The following SRSF4 variants were observed in gnomAD, a reference collection of about 807,000 sequenced individuals.
The protein encoded by SRSF4 is serine and arginine rich splicing factor 4.
A neutral mutation model predicts 48.8 loss-of-function variants in SRSF4; 12 were observed. The ratio of observed to expected loss-of-function variants is 0.25; its 90% CI spans 0.16 to 0.40. The LOEUF (loss-of-function observed/expected upper bound fraction) is 0.40, where lower values mean the gene tolerates loss of function less well. SRSF4 is among the 10% of genes least tolerant of loss of function. The probability of loss-of-function intolerance (pLI) is 1.00; values close to 1 mark genes in which losing one functional copy is unlikely to be tolerated. For synonymous variants in SRSF4, 248 were observed against 232.5 expected (o/e 1.07, Z -0.61); for missense variants, 466 against 667.1 (o/e 0.70, Z 3.32).
intron 4 of SRSF4, among the ~76,000 whole-genome samples, chr1:29,153,484 C>T (rs932315514): frequency 6.6e-6 from 1 of 152,014 alleles, no homozygotes; most frequent in Non-Finnish European, 1.5e-5. Flanking sequence ...AATGCTTAGC[C>T]CAGTGCCTGG....
intron 4 of SRSF4, among the ~76,000 whole-genome samples, chr1:29,152,200 T>C (rs1479167964): frequency 3.3e-5 from 5 of 152,218 alleles, no homozygotes. Flanking sequence ...AGCTATGTTA[T>C]CATGGTTTCT....
In SRSF4 at chr1:29,181,822, ACGGCGGCAG is replaced by A. The variant is rs1473543213; in HGVS notation, c.-79_-71del. The A allele has an allele frequency of 2.3e-6, 3 of 1,328,758 alleles. No homozygotes were observed. Among genetic ancestry groups the A allele is most frequent in the East Asian group, 2.9e-5 (1 of 34,452 alleles). The allele number at this position is 1,328,758 out of a possible 1,614,324, so 82.3% of individuals were successfully genotyped here. A position where few individuals can be genotyped will look rare whatever the true frequency, so the allele number is the denominator to read the frequency against. ...AGGCGGCGGCGGGCAAAGCGAGAGC[ACGGCGGCAG>A]CGGCGGCGGCGGCAACGGGCGGGCG... On this transcript the variant is annotated 5_prime_UTR_variant, in exon 1 of 6. Transcript: ENST00000373795.
At chr1:29,173,270 TG>T (rs1006990402) in intron 1 of SRSF4, 1 of 149,882 alleles carries the variant, frequency 6.7e-6, no homozygotes, top group African/African-American at 2.5e-5. Context: ...CCCAAGTAGC[TG>T]GGACTACAGG....
At chr1:29,178,565 CCAGGATGGT>C (rs1379145302) in intron 1 of SRSF4, among the ~76,000 whole-genome samples, 3 of 151,834 alleles carry the variant, frequency 2.0e-5, no homozygotes, top group Admixed American at 2.0e-4. Flanking sequence ...ACCATCTTAA[CCAGGATGGT>C]CTCGATCTCC....
chr1:29,148,694 G>A lies in SRSF4; in HGVS notation c.1201C>T (p.Arg401Cys), dbSNP rs760935315. Residue 401 changes from arginine to cysteine, a missense_variant, in exon 6 of 6, where the codon CGC (arginine) becomes TGC (cysteine). Around this residue, in one of 2 missense-constraint regions of SRSF4, gnomAD observed 402 missense variants for 437.0 expected, o/e 0.92. Coordinates refer to ENST00000373795, the MANE Select transcript of SRSF4 (RefSeq NM_005626.5). ...SKKKKKEDTD[R>C]SQSRSPSRSV... The stretch of plus-strand genomic sequence containing the variant: ...CGGGATGGAGATCTGGACTGGGAGC[G>A]GTCAGTGTCTTCCTTCTTCTTCTTC... 1.1e-5 allele frequency: 17 copies of A among 1,613,976 alleles called. No homozygotes were observed. The highest frequency in any genetic ancestry group is 3.3e-4 in the Middle Eastern group (2 of 6,062).
intron 1 of SRSF4, among the ~76,000 whole-genome samples, chr1:29,164,272 C>T (rs192109230): frequency 5.9e-5 from 9 of 152,246 alleles, no homozygotes; most frequent in Non-Finnish European, 1.0e-4. Context: ...TGTATGGGTC[C>T]CAATTTTAGT....
rs554032578 is a variant in SRSF4 at position 29,150,257 on chromosome 1, CTATATATAT to C, written c.579-74_579-66del. On this transcript the variant is annotated intron_variant, in intron 4 of 5. Coordinates refer to ENST00000373795, the MANE Select transcript of SRSF4 (RefSeq NM_005626.5). The stretch of plus-strand genomic sequence containing the variant: ...GGCTGCTGATGAGCATCAATCAAGA[CTATATATAT>C]TATATATATATATTTTAGATGGAGT... 7.4e-5 allele frequency: 75 copies of C among 1,016,038 alleles called. No homozygotes were observed. In the South Asian group the frequency reaches 9.7e-4, roughly 13 times the overall value. The allele number at this position is 1,016,038 out of a possible 1,614,324, so 62.9% of individuals were successfully genotyped here. A position where few individuals can be genotyped will look rare whatever the true frequency, so the allele number is the denominator to read the frequency against.
chr1:29,180,888 C>A (rs895936376), intron 1 of SRSF4, among the ~76,000 whole-genome samples: 1 of 152,192 alleles, frequency 6.6e-6, no homozygotes, highest in African/African-American at 2.4e-5. Flanking sequence ...TCTGCGTTAA[C>A]CAGACGCAGA....
intron 4 of SRSF4, among the ~76,000 whole-genome samples, chr1:29,153,941 G>T (rs190600624): frequency 1.2e-3 from 180 of 152,036 alleles, no homozygotes; most frequent in Non-Finnish European, 2.2e-3. Context: ...CTGTCGCCCA[G>T]GCTGGAGTGG....
chr1:29,172,824 C>G (rs1187129973), intron 1 of SRSF4: 3 of 151,866 alleles, frequency 2.0e-5, no homozygotes, highest in Non-Finnish European at 4.4e-5. Context: ...CACATAATAC[C>G]CATCACAGGG....
At chr1:29,179,392 T>C (rs1453132820) in intron 1 of SRSF4, among the ~76,000 whole-genome samples, 1 of 152,180 alleles carries the variant, frequency 6.6e-6, no homozygotes, top group Non-Finnish European at 1.5e-5. Context: ...ATGGGGGTCT[T>C]GCTGTTACCC....
At position 29,150,186 on chromosome 1, in the gene SRSF4, G is replaced by A. The variant is rs1130817; in HGVS notation, c.585C>T (p.Arg195=). 21 of 1,613,774 alleles carry A rather than the reference G, an allele frequency of 1.3e-5. No homozygotes were observed. The South Asian group carries it at 2.1e-4, about 16-fold the overall frequency. ...YSRSRSHSRS[R]SRSRHSRKSR... ...TCTTACGGGAATGTCTGCTTCGAGAGCGAGACCTAGGGGGAGAAAATATTT... is the reference window on the plus strand; with the variant it reads ...TCTTACGGGAATGTCTGCTTCGAGAACGAGACCTAGGGGGAGAAAATATTT... Residue 195 remains arginine (R), a synonymous_variant, in exon 5 of 6, where the codon CGC becomes CGT. Coordinates refer to ENST00000373795, the MANE Select transcript of SRSF4 (RefSeq NM_005626.5).
intron 1 of SRSF4, among the ~76,000 whole-genome samples, chr1:29,174,333 T>C (rs754851711): frequency 6.6e-6 from 1 of 152,246 alleles, no homozygotes; most frequent in Non-Finnish European, 1.5e-5. Flanking sequence ...CAAAGTCTAC[T>C]TGCAGGAATC....
chr1:29,175,725 T>G (rs1290430878), intron 1 of SRSF4, among the ~76,000 whole-genome samples: 2 of 110,152 alleles, frequency 1.8e-5, no homozygotes, highest in African/African-American at 6.2e-5. Flanking sequence ...AAAAAAAAAT[T>G]TCCAATTATA....
At chr1:29,181,523 C>T in intron 1 of SRSF4, 123 bp downstream of exon 1, 1 of 820,130 alleles carries the variant, frequency 1.2e-6, no homozygotes, top group Non-Finnish European at 1.8e-6. Flanking sequence ...GCCACTATGG[C>T]GGAGCCTGGC....
At chr1:29,159,758 A>G (rs1305395967) in intron 2 of SRSF4, 2 of 261,802 alleles carry the variant, frequency 7.6e-6, no homozygotes, top group Non-Finnish European at 1.4e-5. Context: ...ACAATTTAAC[A>G]ATTTAGAAAT....
intron 1 of SRSF4, among the ~76,000 whole-genome samples, chr1:29,180,655 A>C (rs1184755654): frequency 6.6e-6 from 1 of 152,142 alleles, no homozygotes; most frequent in Non-Finnish European, 1.5e-5. Flanking sequence ...AGTGCCCTAA[A>C]ATGTCACCCC....
At position 29,148,908 on chromosome 1, in the gene SRSF4, C is replaced by G; in HGVS notation, c.987G>C (p.Gln329His). The G allele has an allele frequency of 6.2e-7, 1 of 1,611,538 alleles. No individual in the cohort carries two copies. Among genetic ancestry groups the G allele is most frequent in the Non-Finnish European group, 8.5e-7 (1 of 1,178,256 alleles). Reference protein sequence around the residue: ...RGRSQEKSLRQSRSRSRSKGG... With the variant: ...RGRSQEKSLRHSRSRSRSKGG... Reference sequence around the variant, plus strand: ...CTTTGCTCCTGCTCCGGCTCCGACTCTGGCGGAGGCTCTTCTCCTGGCTCC... The same window carrying G: ...CTTTGCTCCTGCTCCGGCTCCGACTGTGGCGGAGGCTCTTCTCCTGGCTCC... Residue 329 changes from glutamine (Q) to histidine (H), a missense_variant, in exon 6 of 6, where the codon CAG becomes CAC. By Grantham distance (24) the Gln-to-His change is conservative (BLOSUM62 0). Coordinates refer to ENST00000373795, the MANE Select transcript of SRSF4 (RefSeq NM_005626.5).
At chr1:29,179,440 G>A (rs535412418) in intron 1 of SRSF4, among the ~76,000 whole-genome samples, 42 of 152,202 alleles carry the variant, frequency 2.8e-4, no homozygotes, top group African/African-American at 7.7e-4. Flanking sequence ...GCTCACTGTA[G>A]CCTTGAAATC....
Sources: allele counts gnomAD v4.1 joint callset (sites outside exome capture counted in the v4.1 genomes callset), GRCh38; gene constraint gnomAD v4.1.1; regional missense constraint gnomAD v4.1.1; transcripts MANE v1.5; gene names NCBI Gene and HGNC (gene_info 2026-07-23, HGNC 2026-07-21).